Variants in TRUB1 observed in about 807,000 individuals in gnomAD.
TRUB1 encodes the protein TruB pseudouridine synthase family member 1, also known as pseudouridylate synthase TRUB1.
In TRUB1, 23 loss-of-function variants were observed where a neutral mutation model predicts 33.9. The observed-to-expected ratio is 0.68, with a 90% confidence interval of 0.49 to 0.96. The LOEUF (loss-of-function observed/expected upper bound fraction) is 0.96. Among genes scored for constraint, TRUB1 ranks in the 40% least tolerant of loss-of-function variants. TRUB1 has a pLI of 0.00. For missense variants in TRUB1, 378 were observed against 422.2 expected (o/e 0.90, Z 0.92); for synonymous variants, 163 against 165.4 (o/e 0.99, Z 0.11).
At chr10:114,953,592 GATAC>G (rs2084246911) in intron 3 of TRUB1, among the ~76,000 whole-genome samples, 1 of 152,018 alleles carries the variant, frequency 6.6e-6, no homozygotes, top group South Asian at 2.1e-4. Flanking sequence ...TGACCATATA[GATAC>G]ATACATTTAT....
rs549658013 is a variant in TRUB1, at chr10:114,951,048, A to T, written c.386-46A>T. The T allele has an allele frequency of 9.9e-6, 15 of 1,519,726 alleles. No homozygotes were observed. The South Asian group carries it at 1.6e-4, about 17-fold the overall frequency. 94.1% of individuals were successfully genotyped at this position (1,519,726 alleles called of 1,614,324 possible). A position where few individuals can be genotyped will look rare whatever the true frequency, so the allele number is the denominator to read the frequency against. ...AAAAATATAGCTATTTTAAAAACCT[A>T]GTTTTCAGAACAGAGTGTCATAATA... is the stretch of plus-strand genomic sequence containing the variant. On this transcript the variant is annotated intron_variant, in intron 2 of 7. Coordinates refer to ENST00000298746, the MANE Select transcript of TRUB1 (RefSeq NM_139169.5).
chr10:114,973,436 C>T (rs2084345741), intron 6 of TRUB1, among the ~76,000 whole-genome samples: 1 of 152,156 alleles, frequency 6.6e-6, no homozygotes, highest in South Asian at 2.1e-4. Context: ...CATCCCAGTG[C>T]CCACTTTCAA....
At chr10:114,960,451 T>A (rs2143021999) in intron 4 of TRUB1, among the ~76,000 whole-genome samples, 1 of 152,296 alleles carries the variant, frequency 6.6e-6, no homozygotes, top group Non-Finnish European at 1.5e-5. Context: ...ACCTGCATCA[T>A]TATGTCACCA....
At chr10:114,973,993 A>T (rs2084347823) in intron 6 of TRUB1, among the ~76,000 whole-genome samples, 1 of 152,256 alleles carries the variant, frequency 6.6e-6, no homozygotes, top group African/African-American at 2.4e-5. Context: ...ATCTGAAAAT[A>T]TTTTTTAAAA....
Position 114,938,414 on chromosome 10 carries a change from C to G in TRUB1, c.161C>G (p.Ala54Gly). Residue 54 changes from alanine to glycine, a missense_variant, in exon 1 of 8, where the codon GCC becomes GGC. Coordinates refer to ENST00000298746, the MANE Select transcript of TRUB1 (RefSeq NM_139169.5). ...VAAAARTGSEARVSKAALATK... is the reference protein window; with the variant it reads ...VAAAARTGSEGRVSKAALATK... Reference sequence around the variant, plus strand: ...GCCGCGGCCAGGACCGGATCCGAAGCCAGGGTCTCCAAGGCCGCTTTGGCT... The same window carrying G: ...GCCGCGGCCAGGACCGGATCCGAAGGCAGGGTCTCCAAGGCCGCTTTGGCT... The G allele has an allele frequency of 6.2e-7, 1 of 1,600,200 alleles. No homozygotes were observed. The highest frequency in any genetic ancestry group is 1.3e-5 in the African/African-American group (1 of 74,820).
At chr10:114,942,797 A>G (rs1592047803) in intron 2 of TRUB1, 54 bp downstream of exon 2, 1 of 1,173,554 alleles carries the variant, frequency 8.5e-7, no homozygotes, top group African/African-American at 1.5e-5. Context: ...ATCAGAAAGA[A>G]ACACTGGTTG....
Position 114,938,235 on chromosome 10 carries a change from A to C in TRUB1, c.-19A>C. The C allele has an allele frequency of 6.2e-7, 1 of 1,608,238 alleles. No individual in the cohort carries two copies. ...TCAGCGTGCACCTCCACGATGAAAC[A>C]GGTCTGGGCTACAAAAGTATGGCCG... On this transcript the variant is annotated 5_prime_UTR_variant, in exon 1 of 8. Transcript: ENST00000298746.
At chr10:114,970,271 A>G in intron 4 of TRUB1, 97 bp from the exon 5 acceptor site, 1 of 848,464 alleles carries the variant, frequency 1.2e-6, no homozygotes, top group Non-Finnish European at 1.9e-6. Context: ...TGCTTTTGGA[A>G]AAAGTTTTAA....
At chr10:114,967,709 CATTTT>C (rs2084316347) in intron 4 of TRUB1, among the ~76,000 whole-genome samples, 1 of 152,058 alleles carries the variant, frequency 6.6e-6, no homozygotes, top group African/African-American at 2.4e-5. Flanking sequence ...TTACTGTGGA[CATTTT>C]ATTCTGTTTC....
chr10:114,951,911 G>A (rs2143021168), intron 3 of TRUB1, among the ~76,000 whole-genome samples: 1 of 152,200 alleles, frequency 6.6e-6, no homozygotes, highest in Non-Finnish European at 1.5e-5. Context: ...CTCTAAATGT[G>A]ATATAAATTG....
intron 1 of TRUB1, among the ~76,000 whole-genome samples, chr10:114,941,343 T>A (rs2084185866): frequency 6.6e-6 from 1 of 152,180 alleles, no homozygotes; most frequent in Admixed American, 6.5e-5. Flanking sequence ...TTATCTTTTT[T>A]TTTTTTTTAA....
rs536768445 is a variant in TRUB1, at chr10:114,956,261, CA to C, written c.442-3464del. Among the ~76,000 whole-genome samples the C allele has an allele frequency of 1.5e-4, 23 of 152,280 alleles. No individual in the cohort carries two copies. In the East Asian group the frequency reaches 4.2e-3, roughly 28 times the overall value. ...CCTCTCTTTTGTTGCAGTAGAATTA[CA>C]TTGTAATGAATACAGTAGTAGAATT... On this transcript the variant is annotated intron_variant, in intron 3 of 7. Transcript: ENST00000298746.
At chr10:114,940,879 G>A (rs910096112) in intron 1 of TRUB1, among the ~76,000 whole-genome samples, 9 of 152,186 alleles carry the variant, frequency 5.9e-5, no homozygotes, top group Non-Finnish European at 1.3e-4. Flanking sequence ...AGAAGTTTAT[G>A]TCAAAGCAGA....
In TRUB1 at chr10:114,938,253, T is replaced by C. The variant is rs1477562893; in HGVS notation, c.-1T>C. ...ATGAAACAGGTCTGGGCTACAAAAG[T>C]ATGGCCGCTTCTGAGGCGGCGGTGG... On this transcript the variant is annotated 5_prime_UTR_variant, in exon 1 of 8. Transcript: ENST00000298746. 6.2e-7 allele frequency: 1 copy of C among 1,613,882 alleles called. No homozygotes were observed. The highest frequency in any genetic ancestry group is 8.5e-7 in the Non-Finnish European group (1 of 1,179,932).
At chr10:114,944,000 CTTTT>C (rs573847481) in intron 2 of TRUB1, among the ~76,000 whole-genome samples, 5 of 101,536 alleles carry the variant, frequency 4.9e-5, no homozygotes, top group African/African-American at 2.1e-4. Flanking sequence ...TTTATTCCAT[CTTTT>C]TTTTTTTTTT....
intron 2 of TRUB1, among the ~76,000 whole-genome samples, chr10:114,949,007 G>A (rs751352425): frequency 2.0e-5 from 3 of 152,210 alleles, no homozygotes; most frequent in African/African-American, 4.8e-5. Flanking sequence ...CTCTTTAGCC[G>A]TTTAGGATGC....
chr10:114,968,433 C>CTT (rs1186448616), intron 4 of TRUB1, among the ~76,000 whole-genome samples: 1 of 152,216 alleles, frequency 6.6e-6, no homozygotes, highest in African/African-American at 2.4e-5. Flanking sequence ...TCAACAGTGA[C>CTT]ATTTCCTTCA....
chr10:114,943,779 C>T (rs1040311347), intron 2 of TRUB1, among the ~76,000 whole-genome samples: 1 of 152,034 alleles, frequency 6.6e-6, no homozygotes, highest in Non-Finnish European at 1.5e-5. Flanking sequence ...TATCAATCTT[C>T]GAATGTGGGC....
At chr10:114,942,323 C>T (rs2084191526) in intron 1 of TRUB1, among the ~76,000 whole-genome samples, 1 of 152,076 alleles carries the variant, frequency 6.6e-6, no homozygotes, top group African/African-American at 2.4e-5. Flanking sequence ...TCTAACAGCC[C>T]ACCACTACCA....
Sources: gnomAD v4.1 joint callset for allele counts (sites outside exome capture counted in the v4.1 genomes callset) on GRCh38, gnomAD v4.1.1 for gene constraint, MANE v1.5 for transcripts, NCBI Gene and HGNC (gene_info 2026-07-23, HGNC 2026-07-21) for gene names.